BTBD9: variants seen among roughly 807,000 people sequenced by gnomAD.
The protein encoded by BTBD9 is BTB/POZ domain-containing protein 9.
Under a neutral mutation model 64.3 loss-of-function variants are expected in BTBD9, and 49 were observed. That is an observed-to-expected ratio of 0.76 (90% CI 0.61 to 0.97). The LOEUF (loss-of-function observed/expected upper bound fraction) is 0.97, where lower values mean the gene tolerates loss of function less well. BTBD9 is among the 50% of genes least tolerant of loss of function. BTBD9 has a pLI of 0.00. For synonymous variants in BTBD9, 260 were observed against 274.7 expected (o/e 0.95, Z 0.53); for missense variants, 598 against 762.1 (o/e 0.78, Z 2.53).
At chr6:38,303,911 A>ATG (rs1410385991) in intron 7 of BTBD9, among the ~76,000 whole-genome samples, 3 of 133,838 alleles carry the variant, frequency 2.2e-5, no homozygotes, top group South Asian at 4.9e-4. Flanking sequence ...ACGTGTATAT[A>ATG]TGTGTATATA....
intron 6 of BTBD9, among the ~76,000 whole-genome samples, chr6:38,539,912 C>T (rs1227504766): frequency 6.6e-6 from 1 of 152,080 alleles, no homozygotes; most frequent in Non-Finnish European, 1.5e-5. Context: ...AGTTCACAGG[C>T]TAAGAGAAAT....
At chr6:38,620,588 G>A (rs1205027960) in intron 1 of BTBD9, among the ~76,000 whole-genome samples, 1 of 152,134 alleles carries the variant, frequency 6.6e-6, no homozygotes, top group Non-Finnish European at 1.5e-5. Flanking sequence ...GGCTACTCTA[G>A]ATCTCCTGAA....
Position 38,574,939 on chromosome 6 carries a change from T to C in BTBD9, c.1154+2661A>G, listed in dbSNP as rs184966217. Among the ~76,000 whole-genome samples the C allele has an allele frequency of 2.1e-3, 322 of 152,346 alleles. 2 individuals are homozygous for C. Among genetic ancestry groups the C allele is most frequent in the African/African-American group, 7.4e-3 (307 of 41,586 alleles). On this transcript the variant is annotated intron_variant, in intron 6 of 10. Coordinates refer to ENST00000481247, the MANE Select transcript of BTBD9 (RefSeq NM_001099272.2). ...TTCTACTACACAGTTCTGATTTATA[T>C]GCAGTTTAGCCTAAACTCAGAGAGA...
intron 6 of BTBD9, among the ~76,000 whole-genome samples, chr6:38,500,133 C>T (rs1772129845): frequency 6.6e-6 from 1 of 151,744 alleles, no homozygotes; most frequent in Non-Finnish European, 1.5e-5. Context: ...AGAAAGGTGT[C>T]AAAGAAAGAG....
chr6:38,252,156 T>C (rs553144482), intron 9 of BTBD9, among the ~76,000 whole-genome samples: 2 of 152,288 alleles, frequency 1.3e-5, no homozygotes, highest in Admixed American at 6.5e-5. Context: ...GAGAATCTTA[T>C]TTCCCAGGGA....
At chr6:38,361,359 C>G (rs941232419) in intron 6 of BTBD9, among the ~76,000 whole-genome samples, 1 of 151,770 alleles carries the variant, frequency 6.6e-6, no homozygotes, top group Non-Finnish European at 1.5e-5. Flanking sequence ...GCCTGGGTAA[C>G]ATAGCAAGAC....
intron 4 of BTBD9, among the ~76,000 whole-genome samples, chr6:38,586,867 A>AGCCTGGCCAACCTG (rs1176433464): frequency 1.3e-5 from 2 of 152,034 alleles, no homozygotes; most frequent in African/African-American, 4.8e-5. Context: ...GTTCAAGACC[A>AGCCTGGCCAACCTG]GCCTGGCCAA....
intron 9 of BTBD9, among the ~76,000 whole-genome samples, chr6:38,224,684 G>T (rs1020609231): frequency 1.3e-5 from 2 of 152,180 alleles, no homozygotes; most frequent in African/African-American, 4.8e-5. Context: ...ATCCATTATT[G>T]AGTCAAAGAT....
At chr6:38,629,956 C>A (rs140058910) in intron 1 of BTBD9, among the ~76,000 whole-genome samples, 1 of 151,996 alleles carries the variant, frequency 6.6e-6, no homozygotes, top group African/African-American at 2.4e-5. Flanking sequence ...GCCTGTAATA[C>A]CAACACTTTG....
chr6:38,484,204 A>G (rs1305585779), intron 6 of BTBD9, among the ~76,000 whole-genome samples: 1 of 152,364 alleles, frequency 6.6e-6, no homozygotes, highest in African/African-American at 2.4e-5. Context: ...ACTAGTGCAC[A>G]GGGAAATCAG....
At chr6:38,497,606 G>A (rs1436354584) in intron 6 of BTBD9, among the ~76,000 whole-genome samples, 1 of 152,106 alleles carries the variant, frequency 6.6e-6, no homozygotes. Context: ...GGGGAGGAAA[G>A]GAGAGAGCAG....
intron 6 of BTBD9, among the ~76,000 whole-genome samples, chr6:38,375,874 A>C (rs1765657434): frequency 6.7e-6 from 1 of 149,920 alleles, no homozygotes; most frequent in Non-Finnish European, 1.5e-5. Context: ...TTGAGTCTAC[A>C]AACAAAAGAA....
chr6:38,311,291 T>C (rs746197113), intron 7 of BTBD9, among the ~76,000 whole-genome samples: 3 of 152,032 alleles, frequency 2.0e-5, no homozygotes, highest in Non-Finnish European at 2.9e-5. Flanking sequence ...TTCTACTCTC[T>C]ATCTCCATGA....
At chr6:38,491,546 A>G (rs1357271246) in intron 6 of BTBD9, among the ~76,000 whole-genome samples, 1 of 152,106 alleles carries the variant, frequency 6.6e-6, no homozygotes, top group African/African-American at 2.4e-5. Context: ...TTTCCATTTT[A>G]TTTTAGCACT....
In BTBD9 at chr6:38,582,892, T is replaced by C. The variant is rs148182794; in HGVS notation, c.815-2455A>G. On this transcript the variant is annotated intron_variant, in intron 4 of 10. Transcript: ENST00000481247. ...AGTAACATATAAAGCGCTCATTCAG[T>C]ATTCAGTCAAAAGGCATTTTTCTGA... 4.7e-3 allele frequency among the ~76,000 whole-genome samples: 712 copies of C among 152,256 alleles called. 4 individuals are homozygous for C. Among genetic ancestry groups the C allele is most frequent in the African/African-American group, 0.015 (630 of 41,544 alleles).
Position 38,178,312 on chromosome 6 carries a change from G to A in BTBD9, c.1642-3130C>T, listed in dbSNP as rs543272278. The stretch of plus-strand genomic sequence containing the variant: ...AAGCTACAGGTGACAGGTGGGGAGG[G>A]AACAGCCTCTGCACACCAACAGAGA... On this transcript the variant is annotated intron_variant, in intron 10 of 10. Coordinates refer to ENST00000481247, the MANE Select transcript of BTBD9 (RefSeq NM_001099272.2). Among the ~76,000 whole-genome samples, 5 of 152,208 alleles carry A rather than the reference G, an allele frequency of 3.3e-5. No individual in the cohort carries two copies. In the South Asian group the frequency reaches 1.0e-3, roughly 32 times the overall value.
chr6:38,309,231 G>T (rs557575092), intron 7 of BTBD9, among the ~76,000 whole-genome samples: 36 of 150,884 alleles, frequency 2.4e-4, no homozygotes, highest in African/African-American at 8.2e-4. Context: ...TTAGCTGGGC[G>T]TGGTGGTGGG....
At position 38,200,660 on chromosome 6, in the gene BTBD9, C is replaced by A. The variant is rs115291939; in HGVS notation, c.1563-8063G>T. On this transcript the variant is annotated intron_variant, in intron 9 of 10. Transcript: ENST00000481247. ...ACTATATGCTAACAAACTAGAAAAC[C>A]TAGAAGAAATGGATAAACTCCTGGA... Among the ~76,000 whole-genome samples, 74 of 151,862 alleles carry A rather than the reference C, an allele frequency of 4.9e-4. 1 individual carries two copies. Among genetic ancestry groups the A allele is most frequent in the Non-Finnish European group, 8.5e-4 (58 of 67,902 alleles).
chr6:38,614,117 C>G (rs1203648326), intron 1 of BTBD9, among the ~76,000 whole-genome samples: 2 of 152,128 alleles, frequency 1.3e-5, no homozygotes, highest in Non-Finnish European at 2.9e-5. Flanking sequence ...ATACCTCCAG[C>G]CTTTTACTAT....
Sources: allele counts gnomAD v4.1 joint callset (sites outside exome capture counted in the v4.1 genomes callset), GRCh38; gene constraint gnomAD v4.1.1; transcripts MANE v1.5; gene names NCBI Gene and HGNC (gene_info 2026-07-23, HGNC 2026-07-21).